Variants in ACOT6 observed in about 807,000 individuals in gnomAD.
ACOT6 encodes the protein acyl-coenzyme A thioesterase 6.
ACOT6 carries 14 observed loss-of-function variants against 12.3 expected under a neutral mutation model. The ratio of observed to expected loss-of-function variants is 1.14; its 90% CI spans 0.75 to 1.78. The LOEUF (loss-of-function observed/expected upper bound fraction) is 1.78. Ranked by LOEUF, ACOT6 falls within the 40% of genes most tolerant of loss-of-function variation. The pLI is 0.00. For missense variants in ACOT6, 523 were observed against 551.8 expected (o/e 0.95, Z 0.52); for synonymous variants, 218 against 231.3 (o/e 0.94, Z 0.52).
chr14:73,612,908 G>A lies in ACOT6; in HGVS notation c.337G>A (p.Asp113Asn), dbSNP rs1482477893. The A allele has an allele frequency of 3.7e-6, 5 of 1,362,974 alleles. No homozygotes were observed. Among genetic ancestry groups the A allele is most frequent in the Non-Finnish European group, 4.9e-6 (5 of 1,019,964 alleles). The allele number at this position is 1,362,974 out of a possible 1,614,324, so 84.4% of individuals were successfully genotyped here. A position where few individuals can be genotyped will look rare whatever the true frequency, so the allele number is the denominator to read the frequency against. ...AVELEVLDGHDTEPGRLLCLA... is the reference protein window; with the variant it reads ...AVELEVLDGHNTEPGRLLCLA... ...GGAGCTGGAAGTGCTGGACGGCCAC[G>A]ACACCGAGCCCGGGCGGCTGCTGTG... Residue 113 changes from aspartate (D) to asparagine (N), a missense_variant, in exon 1 of 3, where the codon GAC becomes AAC. By Grantham distance (23) the Asp-to-Asn change is conservative. Coordinates refer to ENST00000645972, the MANE Select transcript of ACOT6 (RefSeq NM_001365788.1).
intron 1 of ACOT6, among the ~76,000 whole-genome samples, chr14:73,613,969 C>G (rs1890491534): frequency 7.1e-6 from 1 of 141,530 alleles, no homozygotes; most frequent in Non-Finnish European, 1.5e-5. Flanking sequence ...GTGGGCAGAT[C>G]ACTTGAGCCC....
chr14:73,613,114 T>C (rs765134448), intron 1 of ACOT6, 82 bp downstream of exon 1: 10 of 511,004 alleles, frequency 2.0e-5, no homozygotes, highest in Non-Finnish European at 3.0e-5. Flanking sequence ...TTGTGGAACA[T>C]CCCTGAACTT....
Position 73,612,535 on chromosome 14 carries a change from C to T in ACOT6, c.-37C>T. ...AGCCGCCAGGCCCGCCCACTGACTC[C>T]GCGGAGCTGGGTCGCCCCTGTTCTA... On this transcript the variant is annotated 5_prime_UTR_variant, in exon 1 of 3. Transcript: ENST00000645972. The T allele has an allele frequency of 8.1e-7, 1 of 1,234,878 alleles. No homozygotes were observed. Among genetic ancestry groups the T allele is most frequent in the Non-Finnish European group, 1.0e-6 (1 of 959,660 alleles). The allele number at this position is 1,234,878 out of a possible 1,614,324, so 76.5% of individuals were successfully genotyped here. A position where few individuals can be genotyped will look rare whatever the true frequency, so the allele number is the denominator to read the frequency against.
upstream of ACOT6, chr14:73,612,501 G>A (rs191344055): frequency 1.9e-6 from 2 of 1,050,646 alleles, no homozygotes; most frequent in Non-Finnish European, 2.5e-6. Flanking sequence ...ACTTTCCAGC[G>A]CTCGGCAAAG....
intron 1 of ACOT6, among the ~76,000 whole-genome samples, chr14:73,613,504 G>A (rs1890483604): frequency 6.6e-6 from 1 of 152,138 alleles, no homozygotes. Context: ...TATTGGCAAT[G>A]CCCTTTAATT....
In ACOT6 at chr14:73,612,616, G is replaced by T. The variant is rs1023272528; in HGVS notation, c.45G>T (p.Trp15Cys). 4.9e-6 allele frequency: 7 copies of T among 1,419,430 alleles called. No individual in the cohort carries two copies. The highest frequency in any genetic ancestry group is 1.5e-5 in the African/African-American group (1 of 67,042). The allele number at this position is 1,419,430 out of a possible 1,614,324, so 87.9% of individuals were successfully genotyped here. A position where few individuals can be genotyped will look rare whatever the true frequency, so the allele number is the denominator to read the frequency against. Residue 15 changes from tryptophan to cysteine, a missense_variant, in exon 1 of 3, where the codon TGG (tryptophan) becomes TGT (cysteine). Coordinates refer to ENST00000645972, the MANE Select transcript of ACOT6 (RefSeq NM_001365788.1). ...TGGAGCCCGCGGGCCGCTGCTGCTGGGACGAGCCGCTGCGCATCGCAGTGC... is the reference window on the plus strand; with the variant it reads ...TGGAGCCCGCGGGCCGCTGCTGCTGTGACGAGCCGCTGCGCATCGCAGTGC... ...LILEPAGRCC[W>C]DEPLRIAVRG...
intron 1 of ACOT6, among the ~76,000 whole-genome samples, chr14:73,614,872 G>A (rs1890506456): frequency 6.6e-6 from 1 of 152,026 alleles, no homozygotes; most frequent in Non-Finnish European, 1.5e-5. Flanking sequence ...CGAGGCAGGT[G>A]GATCACCTGA....
upstream of ACOT6, chr14:73,611,654 T>G (rs1399419172): frequency 1.3e-5 from 2 of 152,202 alleles, no homozygotes; most frequent in African/African-American, 4.8e-5. Flanking sequence ...GTCAGTGTAG[T>G]GTTTTTACAC....
At chr14:73,618,606 T>TA (rs1890578641) in intron 2 of ACOT6, among the ~76,000 whole-genome samples, 1 of 128,384 alleles carries the variant, frequency 7.8e-6, no homozygotes, top group Admixed American at 8.4e-5. Context: ...TATGGTGGTA[T>TA]ATTTATCAAG....
chr14:73,617,091 G>T lies in ACOT6; in HGVS notation c.559G>T (p.Ala187Ser). The T allele has an allele frequency of 6.4e-7, 1 of 1,560,084 alleles. No individual in the cohort carries two copies. Among genetic ancestry groups the T allele is most frequent in the Non-Finnish European group, 8.8e-7 (1 of 1,131,390 alleles). Reference protein sequence around the residue: ...LLAGHGFAVLALAYFRFEDLP... With the variant: ...LLAGHGFAVLSLAYFRFEDLP... ...GGCCGGACATGGTTTTGCTGTGCTT[G>T]CCCTGGCTTATTTCAGATTTGAAGA... The change falls in exon 2 of 3, where the codon GCC becomes TCC. Residue 187 changes from alanine (A) to serine (S), a missense_variant. Ala to Ser is a moderately conservative substitution (Grantham distance 99). This residue lies in a region of ACOT6 where 304 missense variants were observed against 274.8 expected (regional missense o/e 1.11). Coordinates refer to ENST00000645972, the MANE Select transcript of ACOT6 (RefSeq NM_001365788.1).
chr14:73,612,761 C>T lies in ACOT6; in HGVS notation c.190C>T (p.Arg64Cys), dbSNP rs1204717218. 1 of 1,371,306 alleles carries T rather than the reference C, an allele frequency of 7.3e-7. No homozygotes were observed. The highest frequency in any genetic ancestry group is 1.7e-5 in the South Asian group (1 of 57,806). 84.9% of individuals were successfully genotyped at this position (1,371,306 alleles called of 1,614,324 possible). The part of the protein sequence containing the change: ...ADARDELDLE[R>C]APALGGSFAG... ...CGCCCGCGACGAGCTGGACCTGGAG[C>T]GCGCGCCCGCGCTGGGAGGCAGCTT... The change falls in exon 1 of 3, where the codon CGC (arginine) becomes TGC (cysteine). Residue 64 changes from arginine (R) to cysteine (C), a missense_variant. Physicochemically the swap from Arg to Cys is radical, Grantham distance 180. Transcript: ENST00000645972.
chr14:73,612,977 C>T lies in ACOT6; in HGVS notation c.406C>T (p.Arg136Cys), dbSNP rs1043561205. The T allele has an allele frequency of 1.6e-5, 19 of 1,152,702 alleles. No individual in the cohort carries two copies. The African/African-American group carries it at 2.0e-4, about 12-fold the overall frequency. 71.4% of individuals were successfully genotyped at this position (1,152,702 alleles called of 1,614,324 possible). ...CGACTTTCTCCGGCCGGGGGTGCGG[C>T]GCGAGCCGGTGCGCGCGGGCCCGGT... is the stretch of plus-strand genomic sequence containing the variant. ...KRDFLRPGVR[R>C]EPVRAGPVRA... The change falls in exon 1 of 3, where the codon CGC (arginine) becomes TGC (cysteine). Residue 136 changes from arginine to cysteine, a missense_variant. Transcript: ENST00000645972.
upstream of ACOT6, chr14:73,612,428 C>A: frequency 2.0e-6 from 1 of 493,998 alleles, no homozygotes; most frequent in East Asian, 3.5e-5. Context: ...CCCCACGCAG[C>A]GGCCTGGAGC....
chr14:73,619,219 C>T lies in ACOT6; in HGVS notation c.661-15C>T. 2.0e-6 allele frequency: 3 copies of T among 1,535,294 alleles called. No homozygotes were observed. The highest frequency in any genetic ancestry group is 2.6e-6 in the Non-Finnish European group (3 of 1,145,190). On this transcript the variant is annotated splice_polypyrimidine_tract_variant and intron_variant, in intron 2 of 2. Coordinates refer to ENST00000645972, the MANE Select transcript of ACOT6 (RefSeq NM_001365788.1). Reference sequence around the variant, plus strand: ...TGAATTCTAAGCTTGTTTTCCTTCTCTTTTTCCTCAACAGGTGAAAGGTCC... The same window carrying T: ...TGAATTCTAAGCTTGTTTTCCTTCTTTTTTTCCTCAACAGGTGAAAGGTCC...
chr14:73,616,006 C>T (rs1890531054), intron 1 of ACOT6, among the ~76,000 whole-genome samples: 1 of 152,140 alleles, frequency 6.6e-6, no homozygotes, highest in African/African-American at 2.4e-5. Context: ...TTACAGTGAT[C>T]TACAGGCTAC....
chr14:73,613,095 A>G, intron 1 of ACOT6, 63 bp downstream of exon 1: 1 of 536,052 alleles, frequency 1.9e-6, no homozygotes, highest in Non-Finnish European at 3.2e-6. Flanking sequence ...TGTCCTGGGA[A>G]TCGCGTGATT....
intron 2 of ACOT6, among the ~76,000 whole-genome samples, chr14:73,617,453 A>G (rs945318742): frequency 3.9e-5 from 6 of 152,148 alleles, no homozygotes; most frequent in African/African-American, 1.4e-4. Flanking sequence ...CCCTGTCTCA[A>G]AAAAAGTTTT....
chr14:73,619,653 C>T lies in ACOT6; in HGVS notation c.1080C>T (p.His360=). ...TAATCTGTTACCCAGAAACTGGTCA[C>T]TGTATTGACCCACCTTATTTTCCTC... ...PQIICYPETG[H]CIDPPYFPPS... The change falls in exon 3 of 3, where the codon CAC becomes CAT. Residue 360 remains histidine, a synonymous_variant. Transcript: ENST00000645972. 3 of 1,614,112 alleles carry T rather than the reference C, an allele frequency of 1.9e-6. No individual in the cohort carries two copies. The highest frequency in any genetic ancestry group is 8.5e-7 in the Non-Finnish European group (1 of 1,179,944).
rs1397271599 is a variant in ACOT6 at position 73,612,999 on chromosome 14, C to G, written c.428C>G (p.Pro143Arg). Residue 143 changes from proline to arginine, a missense_variant, in exon 1 of 3, where the codon CCG (proline) becomes CGG (arginine). Physicochemically the swap from Pro to Arg is moderately radical, Grantham distance 103. This residue lies in a region of ACOT6 where 304 missense variants were observed against 274.8 expected (regional missense o/e 1.11). Transcript: ENST00000645972. ...CGGCGCGAGCCGGTGCGCGCGGGCC[C>G]GGTGCGCGCCGCGCTCTTCCTGCCG... is the stretch of plus-strand genomic sequence containing the variant. ...GVRREPVRAG[P>R]VRAALFLPPD... 1 of 986,210 alleles carries G rather than the reference C, an allele frequency of 1.0e-6. No individual in the cohort carries two copies. Among genetic ancestry groups the G allele is most frequent in the Non-Finnish European group, 1.4e-6 (1 of 719,654 alleles). 61.1% of individuals were successfully genotyped at this position (986,210 alleles called of 1,614,324 possible).
Sources: allele counts gnomAD v4.1 joint callset (sites outside exome capture counted in the v4.1 genomes callset), GRCh38; gene constraint gnomAD v4.1.1; regional missense constraint gnomAD v4.1.1; transcripts MANE v1.5; gene names NCBI Gene and HGNC (gene_info 2026-07-23, HGNC 2026-07-21).